Variants in UNC5D observed in about 807,000 individuals in gnomAD.
The protein encoded by UNC5D is netrin receptor UNC5D.
UNC5D carries 39 observed loss-of-function variants against 105.4 expected under a neutral mutation model. The ratio of observed to expected loss-of-function variants is 0.37; its 90% CI spans 0.29 to 0.48. The LOEUF is 0.48. Among genes scored for constraint, UNC5D ranks in the 20% least tolerant of loss-of-function variants. The pLI, the probability that UNC5D is intolerant of heterozygous loss-of-function variation, is 0.98. For synonymous variants in UNC5D, 452 were observed against 450.4 expected (o/e 1.00, Z -0.04); for missense variants, 991 against 1,202.4 (o/e 0.82, Z 2.60).
chr8:35,550,492 C>G (rs373633540), intron 2 of UNC5D, among the ~76,000 whole-genome samples: 119 of 152,046 alleles, frequency 7.8e-4, no homozygotes, highest in African/African-American at 2.8e-3. Flanking sequence ...TTGAATAAGT[C>G]AAAAAACATC....
chr8:35,512,531 A>G (rs1356647432), intron 1 of UNC5D, among the ~76,000 whole-genome samples: 1 of 72,930 alleles, frequency 1.4e-5, no homozygotes, highest in African/African-American at 9.2e-5. Context: ...ATATATTCAG[A>G]TATGTATGTA....
intron 1 of UNC5D, 109 bp from the exon 2 acceptor site, chr8:35,549,183 G>A (rs1357425627): frequency 1.1e-5 from 11 of 1,026,258 alleles, no homozygotes; most frequent in Admixed American, 2.5e-5. Context: ...TTAATAAAGC[G>A]AATATTTCTC....
intron 3 of UNC5D, among the ~76,000 whole-genome samples, chr8:35,574,406 T>C (rs1817955160): frequency 6.6e-6 from 1 of 152,238 alleles, no homozygotes; most frequent in Non-Finnish European, 1.5e-5. Context: ...TGATACATCC[T>C]GAATATAATT....
chr8:35,608,897 AT>A (rs534247620), intron 4 of UNC5D, among the ~76,000 whole-genome samples: 5 of 149,720 alleles, frequency 3.3e-5, no homozygotes, highest in Non-Finnish European at 4.5e-5. Context: ...TATCTATTTA[AT>A]TTTTTTTTTG....
intron 1 of UNC5D, among the ~76,000 whole-genome samples, chr8:35,460,891 TTA>T (rs760977556): frequency 6.6e-5 from 10 of 152,228 alleles, no homozygotes; most frequent in Non-Finnish European, 1.3e-4. Flanking sequence ...ATTACTCTAT[TTA>T]TGTTTTTCTA....
intron 13 of UNC5D, among the ~76,000 whole-genome samples, chr8:35,753,759 A>AT (rs1830392874): frequency 6.6e-6 from 1 of 152,198 alleles, no homozygotes; most frequent in African/African-American, 2.4e-5. Context: ...AAGGCCATGT[A>AT]TCCCCCTTGG....
intron 1 of UNC5D, among the ~76,000 whole-genome samples, chr8:35,384,717 G>A (rs1273926813): frequency 1.2e-4 from 19 of 152,308 alleles, no homozygotes; most frequent in East Asian, 1.9e-4. Context: ...AAAAATTTCC[G>A]TGTATTTCTT....
intron 4 of UNC5D, among the ~76,000 whole-genome samples, chr8:35,664,948 T>C (rs539683983): frequency 3.9e-5 from 6 of 152,220 alleles, no homozygotes; most frequent in African/African-American, 1.4e-4. Context: ...ATCCTCCCAC[T>C]GCAGCCTCCC....
intron 3 of UNC5D, among the ~76,000 whole-genome samples, chr8:35,582,522 G>GC (rs1002646806): frequency 6.6e-6 from 1 of 152,176 alleles, no homozygotes; most frequent in African/African-American, 2.4e-5. Flanking sequence ...GTTCTGTGAG[G>GC]CCATGCTGGA....
intron 1 of UNC5D, among the ~76,000 whole-genome samples, chr8:35,248,970 T>C (rs1459441317): frequency 1.1e-5 from 1 of 88,654 alleles, no homozygotes; most frequent in African/African-American, 4.7e-5. Flanking sequence ...TAATATATAT[T>C]ATATATTTTT....
intron 1 of UNC5D, among the ~76,000 whole-genome samples, chr8:35,488,972 T>TA: frequency 1.3e-5 from 2 of 152,116 alleles, no homozygotes; most frequent in Non-Finnish European, 2.9e-5. Flanking sequence ...GCGGGCCGTA[T>TA]AAGGCAGAGT....
At chr8:35,431,239 G>T (rs1210113999) in intron 1 of UNC5D, among the ~76,000 whole-genome samples, 1 of 152,088 alleles carries the variant, frequency 6.6e-6, no homozygotes, top group African/African-American at 2.4e-5. Flanking sequence ...TTATCATAAT[G>T]GTTAGTGAAG....
At chr8:35,254,263 T>C (rs1251535429) in intron 1 of UNC5D, 2 of 152,218 alleles carry the variant, frequency 1.3e-5, no homozygotes, top group Admixed American at 1.3e-4. Flanking sequence ...GGTTTGGAAT[T>C]GAAGGTCTTA....
At chr8:35,308,986 A>T (rs193108538) in intron 1 of UNC5D, among the ~76,000 whole-genome samples, 5 of 152,102 alleles carry the variant, frequency 3.3e-5, no homozygotes, top group African/African-American at 7.2e-5. Context: ...CCGGCTGGCT[A>T]GATAGGGGTG....
intron 3 of UNC5D, among the ~76,000 whole-genome samples, chr8:35,584,194 C>CA (rs897250728): frequency 6.6e-6 from 1 of 151,940 alleles, no homozygotes; most frequent in Non-Finnish European, 1.5e-5. Flanking sequence ...GTAGAAGGCA[C>CA]AAAAAAAGAA....
At chr8:35,260,499 C>G (rs1013253696) in intron 1 of UNC5D, among the ~76,000 whole-genome samples, 6 of 152,162 alleles carry the variant, frequency 3.9e-5, no homozygotes, top group Admixed American at 2.6e-4. Context: ...GAGATGGAGT[C>G]TCGCTCTATC....
chr8:35,567,993 A>G (rs999498784), intron 2 of UNC5D, 105 bp from the exon 3 acceptor site: 12 of 1,502,402 alleles, frequency 8.0e-6, no homozygotes, highest in Non-Finnish European at 1.1e-5. Flanking sequence ...CTTGATTAAA[A>G]ACAGGATTGT....
intron 11 of UNC5D, among the ~76,000 whole-genome samples, chr8:35,743,785 A>C (rs1258523720): frequency 6.6e-6 from 1 of 152,054 alleles, no homozygotes; most frequent in African/African-American, 2.4e-5. Context: ...ATATATGTGC[A>C]TATGTGTATT....
At chr8:35,706,566 T>C (rs1375043590) in intron 8 of UNC5D, among the ~76,000 whole-genome samples, 1 of 152,162 alleles carries the variant, frequency 6.6e-6, no homozygotes, top group African/African-American at 2.4e-5. Flanking sequence ...CCTTATGCTC[T>C]TTAGTATCAC....
Sources: allele counts gnomAD v4.1 joint callset (sites outside exome capture counted in the v4.1 genomes callset), GRCh38; gene constraint gnomAD v4.1.1; transcripts MANE v1.5; gene names NCBI Gene and HGNC (gene_info 2026-07-23, HGNC 2026-07-21).